URB1: variants seen among roughly 807,000 people sequenced by gnomAD.
URB1 encodes the protein URB1 ribosome biogenesis factor.
URB1 carries 197 observed loss-of-function variants against 242.3 expected under a neutral mutation model. The observed-to-expected ratio is 0.81, with a 90% CI of 0.72 to 0.91. The LOEUF (loss-of-function observed/expected upper bound fraction) is 0.91. URB1 is among the 40% of genes least tolerant of loss of function. URB1 has a pLI of 0.00. For synonymous variants in URB1, 1,153 were observed against 1,201.8 expected (o/e 0.96, Z 0.84); for missense variants, 2,721 against 2,860.5 (o/e 0.95, Z 1.11).
At chr21:32,348,752 G>T (rs2033122927) in intron 21 of URB1, among the ~76,000 whole-genome samples, 1 of 152,114 alleles carries the variant, frequency 6.6e-6, no homozygotes, top group African/African-American at 2.4e-5. Context: ...TCCCACCCAA[G>T]AAAATACCTC....
In URB1 at chr21:32,338,855, G is replaced by A. The variant is rs532402491; in HGVS notation, c.4362C>T (p.Ala1454=). 5.4e-5 allele frequency: 84 copies of A among 1,550,922 alleles called. No homozygotes were observed. Among genetic ancestry groups the A allele is most frequent in the Admixed American group, 2.4e-4 (12 of 50,966 alleles). Residue 1454 remains alanine, a synonymous_variant, in exon 26 of 39, where the codon GCC becomes GCT. Transcript: ENST00000382751. ...DHTFLKMLLT[A]VQLLYSPESS... is the part of the protein sequence containing the mutation. Reference sequence around the variant, plus strand: ...TTTCTGGGCTGTACAGGAGCTGTACGGCGGTGAGGAGCATCTTTAAAAATG... The same window carrying A: ...TTTCTGGGCTGTACAGGAGCTGTACAGCGGTGAGGAGCATCTTTAAAAATG...
chr21:32,335,482 T>C (rs1268458276), intron 28 of URB1: 1 of 152,370 alleles, frequency 6.6e-6, no homozygotes, highest in Non-Finnish European at 1.5e-5. Context: ...CTCATTCCCA[T>C]AGGTTTTCCT....
At position 32,366,751 on chromosome 21, in the gene URB1, T is replaced by G. The variant is rs202022844; in HGVS notation, c.1202A>C (p.Tyr401Ser). ...LNNIKLLNKI[Y>S]EAQPEISRAF... ...CCGGGAAATCTCCGGCTGAGCCTCA[T>G]AGATCTAGGAAAAGCAAAAAAGAGA... Residue 401 changes from tyrosine (Y) to serine (S), a missense_variant, in exon 10 of 39, where the codon TAT becomes TCT. Transcript: ENST00000382751. 1 of 1,551,492 alleles carries G rather than the reference T, an allele frequency of 6.4e-7. No individual in the cohort carries two copies. Among genetic ancestry groups the G allele is most frequent in the Non-Finnish European group, 8.7e-7 (1 of 1,146,878 alleles).
At position 32,319,209 on chromosome 21, in the gene URB1, G is replaced by A. The variant is rs575523913; in HGVS notation, c.5792+8C>T. ...CAGAAGGGCCCCCCTGGCGGGGGCA[G>A]GACTCACCTCAGGTGCTTCATGAGC... On this transcript the variant is annotated splice_region_variant and intron_variant, in intron 36 of 38. Transcript: ENST00000382751. 1.2e-4 allele frequency: 179 copies of A among 1,545,784 alleles called. 1 individual carries two copies. The highest frequency in any genetic ancestry group is 1.7e-4 in the Middle Eastern group (1 of 5,750).
At chr21:32,388,896 G>A (rs1039462769) in intron 1 of URB1, among the ~76,000 whole-genome samples, 13 of 152,146 alleles carry the variant, frequency 8.5e-5, no homozygotes, top group African/African-American at 1.9e-4. Flanking sequence ...CACCTACCAG[G>A]TGCACCTACA....
At position 32,350,417 on chromosome 21, in the gene URB1, C is replaced by CA. The variant is rs756421221; in HGVS notation, c.2832+286dup. 4.0e-5 allele frequency among the ~76,000 whole-genome samples: 6 copies of CA among 151,862 alleles called. No individual in the cohort carries two copies. In the East Asian group the frequency reaches 7.7e-4, roughly 20 times the overall value. ...CGCCACTGCACTCCAGACTTGGTGA[C>CA]AAAAAAAACAAAGGCCCGGCAGGGC... is the stretch of plus-strand genomic sequence containing the variant. On this transcript the variant is annotated intron_variant, in intron 20 of 38. Coordinates refer to ENST00000382751, the MANE Select transcript of URB1 (RefSeq NM_014825.3).
At chr21:32,372,106 T>C (rs2033412512) in intron 8 of URB1, among the ~76,000 whole-genome samples, 1 of 152,208 alleles carries the variant, frequency 6.6e-6, no homozygotes, top group Non-Finnish European at 1.5e-5. Context: ...TCTCGACCTC[T>C]CTAGAACTAC....
chr21:32,340,119 T>C, intron 25 of URB1, among the ~76,000 whole-genome samples: 1 of 152,248 alleles, frequency 6.6e-6, no homozygotes. Context: ...CCTATAGTTG[T>C]CATTAACCTG....
intron 26 of URB1, 91 bp from the exon 27 acceptor site, chr21:32,337,605 T>C: frequency 9.5e-7 from 1 of 1,051,820 alleles, no homozygotes; most frequent in South Asian, 1.6e-5. Context: ...AACATTGAAA[T>C]GCTGGAAATC....
rs745997524 is a variant in URB1, at chr21:32,311,940, AG to A, written c.*2977del. On this transcript the variant is annotated 3_prime_UTR_variant, in exon 39 of 39. Coordinates refer to ENST00000382751, the MANE Select transcript of URB1 (RefSeq NM_014825.3). ...GACCCTCAATGGGGGTCCCCTCGTCAGGAGCAAGCCCAGCGAGCCTCCCCCT... is the reference window on the plus strand; with the variant it reads ...GACCCTCAATGGGGGTCCCCTCGTCAGAGCAAGCCCAGCGAGCCTCCCCCT... 6.2e-7 allele frequency: 1 copy of A among 1,613,638 alleles called. No individual in the cohort carries two copies. Among genetic ancestry groups the A allele is most frequent in the Non-Finnish European group, 8.5e-7 (1 of 1,180,028 alleles).
chr21:32,319,513 T>C, intron 35 of URB1, 99 bp from the exon 36 acceptor site: 1 of 1,221,940 alleles, frequency 8.2e-7, no homozygotes, highest in South Asian at 1.9e-5. Context: ...TCCCCCTAGA[T>C]AAGCATAGTC....
At chr21:32,351,483 T>G (rs934040318) in intron 19 of URB1, among the ~76,000 whole-genome samples, 3 of 152,184 alleles carry the variant, frequency 2.0e-5, no homozygotes, top group African/African-American at 7.2e-5. Context: ...TTGCTATAAT[T>G]CCATTTGACT....
chr21:32,342,628 C>T (rs1306112668), intron 24 of URB1, among the ~76,000 whole-genome samples: 1 of 151,678 alleles, frequency 6.6e-6, no homozygotes, highest in Non-Finnish European at 1.5e-5. Flanking sequence ...CCTTAGGTAA[C>T]CTGGTGGTCT....
rs1282634834 is a variant in URB1, at chr21:32,347,424, G to A, written c.3400C>T (p.His1134Tyr). The A allele has an allele frequency of 1.9e-5, 30 of 1,551,548 alleles. No individual in the cohort carries two copies. Among genetic ancestry groups the A allele is most frequent in the Admixed American group, 3.9e-5 (2 of 51,002 alleles). ...TLALLSLPET[H>Y]LVTQQPTKSP... ...TTCGTGGGTTGCTGGGTCACCAGGT[G>A]TGTCTCAGGCAGGCTCAGCAAGGCC... is the stretch of plus-strand genomic sequence containing the variant. The change falls in exon 22 of 39, where the codon CAC becomes TAC. Residue 1134 changes from histidine to tyrosine, a missense_variant. Physicochemically the swap from His to Tyr is moderately conservative, Grantham distance 83 (BLOSUM62 2). Transcript: ENST00000382751.
At chr21:32,342,490 A>G (rs972533651) in intron 24 of URB1, among the ~76,000 whole-genome samples, 3 of 151,612 alleles carry the variant, frequency 2.0e-5, no homozygotes, top group Admixed American at 2.0e-4. Context: ...TTTAAAAGAG[A>G]TTGGGTCTTG....
At chr21:32,335,779 C>G (rs1001997406) in intron 28 of URB1, 29 of 152,796 alleles carry the variant, frequency 1.9e-4, no homozygotes, top group African/African-American at 6.0e-4. Context: ...TCCCCGAGCT[C>G]AGGCCTGCTC....
intron 4 of URB1, among the ~76,000 whole-genome samples, chr21:32,382,255 G>A (rs1248960724): frequency 1.3e-5 from 2 of 152,190 alleles, no homozygotes; most frequent in African/African-American, 4.8e-5. Flanking sequence ...AAAGAACCGT[G>A]ATATTTGCCC....
At chr21:32,366,522 A>C (rs1344834376) in intron 10 of URB1, 96 bp downstream of exon 10, 16 of 1,493,616 alleles carry the variant, frequency 1.1e-5, no homozygotes, top group Non-Finnish European at 1.4e-5. Flanking sequence ...AAACACAATC[A>C]AACACATCCA....
At chr21:32,317,620 C>G (rs1424599887) in intron 37 of URB1, 56 bp downstream of exon 37, 2 of 1,531,916 alleles carry the variant, frequency 1.3e-6, no homozygotes, top group South Asian at 2.4e-5. Context: ...GAGGGACGGA[C>G]AGGGTGAGAG....
Sources: allele counts gnomAD v4.1 joint callset (sites outside exome capture counted in the v4.1 genomes callset), GRCh38; gene constraint gnomAD v4.1.1; transcripts MANE v1.5; gene names NCBI Gene and HGNC (gene_info 2026-07-23, HGNC 2026-07-21).